NOX4: variants seen among roughly 807,000 people sequenced by gnomAD.
The protein encoded by NOX4 is NADPH oxidase 4.
A neutral mutation model predicts 87.6 loss-of-function variants in NOX4; 69 were observed. That is an observed-to-expected ratio of 0.79 (90% CI 0.65 to 0.96). NOX4 has a LOEUF of 0.96. Among genes scored for constraint, NOX4 ranks in the 40% least tolerant of loss-of-function variants. The pLI is 0.00. For synonymous variants in NOX4, 275 were observed against 238.2 expected (o/e 1.15, Z -1.42); for missense variants, 680 against 681.5 (o/e 1.00, Z 0.02).
Position 89,325,923 on chromosome 11 carries a change from GTATATATATA to G in NOX4, c.*823_*832del, listed in dbSNP as rs1308012447. The G allele has an allele frequency of 7.3e-6, 1 of 136,166 alleles. No homozygotes were observed. Among genetic ancestry groups the G allele is most frequent in the South Asian group, 2.2e-4 (1 of 4,516 alleles). 8.4% of individuals were successfully genotyped at this position (136,166 alleles called of 1,614,324 possible). The stretch of plus-strand genomic sequence containing the variant: ...TATATATATATATGTGTGTGTGTGT[GTATATATATA>G]TGTGTATATACATATATATATCCAT... On this transcript the variant is annotated 3_prime_UTR_variant, in exon 18 of 18. Transcript: ENST00000263317.
At chr11:89,482,181 A>G (rs1291774374) in intron 2 of NOX4, among the ~76,000 whole-genome samples, 1 of 152,012 alleles carries the variant, frequency 6.6e-6, no homozygotes, top group Non-Finnish European at 1.5e-5. Context: ...ACATTACAAT[A>G]CCTTCCTAAA....
chr11:89,330,360 C>G (rs1396478995), intron 17 of NOX4, among the ~76,000 whole-genome samples: 1 of 151,854 alleles, frequency 6.6e-6, no homozygotes, highest in Non-Finnish European at 1.5e-5. Context: ...AAAAAATAAA[C>G]ATAAACATAA....
chr11:89,491,739 C>T (rs887799533), upstream of NOX4, among the ~76,000 whole-genome samples: 4 of 146,950 alleles, frequency 2.7e-5, no homozygotes, highest in Non-Finnish European at 5.9e-5. Context: ...CACACACACA[C>T]ACACACACAC....
chr11:89,576,290 T>C, the NOX4 span, among the ~76,000 whole-genome samples: 1 of 152,218 alleles, frequency 6.6e-6, no homozygotes, highest in Non-Finnish European at 1.5e-5. Flanking sequence ...AGTTCTAGTG[T>C]TCACTACCTG....
At chr11:89,465,658 T>C (rs1275782495) in intron 2 of NOX4, among the ~76,000 whole-genome samples, 1 of 152,316 alleles carries the variant, frequency 6.6e-6, no homozygotes, top group South Asian at 2.1e-4. Context: ...CCTGACTTTT[T>C]AATGATTGAC....
chr11:89,576,485 T>C, the NOX4 span, among the ~76,000 whole-genome samples: 1 of 152,256 alleles, frequency 6.6e-6, no homozygotes, highest in African/African-American at 2.4e-5. Flanking sequence ...TATATTTTAA[T>C]CGTGGCTATA....
At chr11:89,431,105 A>C (rs1456411084) in intron 7 of NOX4, among the ~76,000 whole-genome samples, 1 of 152,232 alleles carries the variant, frequency 6.6e-6, no homozygotes, top group Non-Finnish European at 1.5e-5. Flanking sequence ...GAAATGGGGA[A>C]AGAATTCCCT....
chr11:89,473,572 T>C (rs980173050), intron 2 of NOX4, among the ~76,000 whole-genome samples: 1 of 152,122 alleles, frequency 6.6e-6, no homozygotes, highest in Non-Finnish European at 1.5e-5. Flanking sequence ...ATAGTGAATA[T>C]AGGATATTCA....
chr11:89,393,654 G>A (rs956395926), intron 11 of NOX4, among the ~76,000 whole-genome samples: 1 of 152,122 alleles, frequency 6.6e-6, no homozygotes. Flanking sequence ...GTATTACCAA[G>A]TATTGACCAC....
At chr11:89,475,817 T>C (rs1459039686) in intron 2 of NOX4, among the ~76,000 whole-genome samples, 1 of 151,974 alleles carries the variant, frequency 6.6e-6, no homozygotes, top group Non-Finnish European at 1.5e-5. Context: ...TGGACAAAAA[T>C]TCCTGACCCT....
At chr11:89,525,143 A>G in the NOX4 span, among the ~76,000 whole-genome samples, 1 of 152,090 alleles carries the variant, frequency 6.6e-6, no homozygotes, top group Non-Finnish European at 1.5e-5. Context: ...GAATTATTAC[A>G]AATAAAGCTG....
chr11:89,460,719 A>G lies in NOX4; in HGVS notation c.154-8824T>C, dbSNP rs1359045954. 2.6e-5 allele frequency among the ~76,000 whole-genome samples: 4 copies of G among 152,312 alleles called. No individual in the cohort carries two copies. The East Asian group carries it at 7.7e-4, about 29-fold the overall frequency. ...TTTTACACTGTTGGTGGGACTGTAA[A>G]CTAGTTCAACCATTGTGGAAGTCAG... On this transcript the variant is annotated intron_variant, in intron 2 of 17. Transcript: ENST00000263317.
At chr11:89,392,792 T>A (rs528928345) in intron 11 of NOX4, among the ~76,000 whole-genome samples, 2 of 152,264 alleles carry the variant, frequency 1.3e-5, no homozygotes, top group South Asian at 4.1e-4. Flanking sequence ...ATTCAGGAGC[T>A]CATGGTAACC....
At chr11:89,561,070 T>TCATAC in the NOX4 span, among the ~76,000 whole-genome samples, 18 of 117,232 alleles carry the variant, frequency 1.5e-4, 1 homozygote, top group African/African-American at 4.6e-4. Flanking sequence ...TATATATATA[T>TCATAC]ATATATATAT....
intron 6 of NOX4, among the ~76,000 whole-genome samples, chr11:89,438,882 A>G (rs1308712033): frequency 1.9e-5 from 1 of 51,674 alleles, no homozygotes; most frequent in East Asian, 6.8e-4. Flanking sequence ...TATAATATAT[A>G]ATATATTATA....
At chr11:89,453,493 C>T (rs1165934634) in intron 2 of NOX4, among the ~76,000 whole-genome samples, 3 of 152,140 alleles carry the variant, frequency 2.0e-5, no homozygotes, top group African/African-American at 7.2e-5. Context: ...TAACTTAAAG[C>T]ATTATCTTCA....
the NOX4 span, among the ~76,000 whole-genome samples, chr11:89,571,309 CT>C: frequency 0.8 from 114,781 of 144,326 alleles, 45,940 homozygotes; most frequent in African/African-American, 0.89. Flanking sequence ...CTGATTTATA[CT>C]TTTTTTTTTT....
Position 89,421,833 on chromosome 11 carries a change from A to G in NOX4, c.629+69T>C, listed in dbSNP as rs1591184979. 1.0e-5 allele frequency: 9 copies of G among 882,378 alleles called. No individual in the cohort carries two copies. In the South Asian group the frequency reaches 1.1e-4, roughly 11 times the overall value. The allele number at this position is 882,378 out of a possible 1,614,324, so 54.7% of individuals were successfully genotyped here. On this transcript the variant is annotated intron_variant, in intron 8 of 17. Coordinates refer to ENST00000263317, the MANE Select transcript of NOX4 (RefSeq NM_016931.5). ...TTTACCACCTCCTATGAAATTTCCT[A>G]TAGAGTTTTCTTTCATTACCCCATT...
chr11:89,415,211 C>T (rs1942695343), intron 8 of NOX4, among the ~76,000 whole-genome samples: 1 of 151,938 alleles, frequency 6.6e-6, no homozygotes, highest in African/African-American at 2.4e-5. Flanking sequence ...GTCCCTGTCA[C>T]ATAGTCAACA....
Sources: allele counts gnomAD v4.1 joint callset (sites outside exome capture counted in the v4.1 genomes callset), GRCh38; gene constraint gnomAD v4.1.1; transcripts MANE v1.5; gene names NCBI Gene and HGNC (gene_info 2026-07-23, HGNC 2026-07-21).